The following SCRG1 variants were observed in gnomAD, a reference collection of about 807,000 sequenced individuals.
The protein encoded by SCRG1 is stimulator of chondrogenesis 1.
SCRG1 carries 3 observed loss-of-function variants against 7.7 expected under a neutral mutation model. That is an observed-to-expected ratio of 0.39 (90% CI 0.18 to 1.01). SCRG1 has a LOEUF of 1.01. SCRG1 is among the 50% of genes least tolerant of loss of function. The probability of loss-of-function intolerance (pLI) is 0.36; values close to 1 mark genes in which losing one functional copy is unlikely to be tolerated. For missense variants in SCRG1, 110 were observed against 117.2 expected (o/e 0.94, Z 0.28); for synonymous variants, 46 against 41.2 (o/e 1.12, Z -0.44).
chr4:173,497,628 G>T, the SCRG1 span, among the ~76,000 whole-genome samples: 1 of 139,964 alleles, frequency 7.1e-6, no homozygotes. Context: ...ACATCAAGAG[G>T]CAGTCCCTGA....
chr4:173,498,975 C>G, the SCRG1 span, among the ~76,000 whole-genome samples: 2 of 152,134 alleles, frequency 1.3e-5, no homozygotes, highest in African/African-American at 4.8e-5. Flanking sequence ...TTAATTGGCT[C>G]CATGTGTGGT....
At chr4:173,485,056 T>TATATTATATATTATATATTATATA in the SCRG1 span, among the ~76,000 whole-genome samples, 4 of 13,424 alleles carry the variant, frequency 3.0e-4, no homozygotes, top group Non-Finnish European at 4.4e-4. Context: ...TATAATATAT[T>TATATTATATATTATATATTATATA]ATATATTATA....
At chr4:173,449,705 T>C in the SCRG1 span, among the ~76,000 whole-genome samples, 76 of 152,260 alleles carry the variant, frequency 5.0e-4, 3 homozygotes. Context: ...CTGTGACTTC[T>C]GTGAGAATTA....
the SCRG1 span, among the ~76,000 whole-genome samples, chr4:173,416,911 AACACACACACACACAC>A: frequency 1.9e-3 from 242 of 125,232 alleles, 1 homozygote; most frequent in Middle Eastern, 0.015. Flanking sequence ...CACACACCCA[AACACACACACACACAC>A]ACACACACAC....
the SCRG1 span, among the ~76,000 whole-genome samples, chr4:173,474,128 G>A: frequency 6.6e-6 from 1 of 152,038 alleles, no homozygotes; most frequent in African/African-American, 2.4e-5. Flanking sequence ...CCAAGATCAT[G>A]CCACTGCACT....
chr4:173,405,563 T>C (rs1739879711), intron 1 of SCRG1, among the ~76,000 whole-genome samples: 1 of 152,220 alleles, frequency 6.6e-6, no homozygotes, highest in Non-Finnish European at 1.5e-5. Flanking sequence ...TGGAGAATTT[T>C]TCTTCACATG....
chr4:173,392,142 T>TG lies in SCRG1; in HGVS notation c.-14-715dup, dbSNP rs76229943. 7.7e-3 allele frequency among the ~76,000 whole-genome samples: 1,170 copies of TG among 152,330 alleles called. 51 individuals are homozygous for TG. In the East Asian group the frequency reaches 0.12, roughly 16 times the overall value. On this transcript the variant is annotated intron_variant, in intron 1 of 2. Coordinates refer to ENST00000296506, the MANE Select transcript of SCRG1 (RefSeq NM_007281.4). ...ATCCTAACAACATTGTCAAAGTACC[T>TG]GGGTCCCATCCTGACAGAAACAAAA...
the SCRG1 span, among the ~76,000 whole-genome samples, chr4:173,452,709 T>C: frequency 6.6e-6 from 1 of 152,154 alleles, no homozygotes; most frequent in African/African-American, 2.4e-5. Flanking sequence ...TCCGGGGCCA[T>C]GCAGAGCAGA....
the SCRG1 span, among the ~76,000 whole-genome samples, chr4:173,453,739 C>T: frequency 7.9e-5 from 12 of 152,182 alleles, no homozygotes; most frequent in Non-Finnish European, 1.8e-4. Flanking sequence ...ACGTGCTACA[C>T]AAGTACCAGA....
chr4:173,400,606 C>T (rs1739736024), upstream of SCRG1, among the ~76,000 whole-genome samples: 3 of 152,266 alleles, frequency 2.0e-5, no homozygotes, highest in African/African-American at 7.2e-5. Context: ...AAATGATAGC[C>T]GAAGTCATGG....
At chr4:173,506,758 C>CGG in the SCRG1 span, among the ~76,000 whole-genome samples, 3 of 152,290 alleles carry the variant, frequency 2.0e-5, no homozygotes. The surrounding 1 kb of genome is among the most constrained non-coding windows in gnomAD (Gnocchi z 5.3). Flanking sequence ...AGTCCTGTTA[C>CGG]GGTGGCGGAC....
At chr4:173,460,627 TA>T in the SCRG1 span, among the ~76,000 whole-genome samples, 2 of 152,156 alleles carry the variant, frequency 1.3e-5, no homozygotes, top group Non-Finnish European at 2.9e-5. Context: ...TATCACCTGC[TA>T]ACTGAAGAGC....
At chr4:173,445,238 A>G in the SCRG1 span, among the ~76,000 whole-genome samples, 3 of 152,208 alleles carry the variant, frequency 2.0e-5, no homozygotes, top group Admixed American at 6.5e-5. Context: ...TGAAGTTCTT[A>G]TCTTACATCT....
At chr4:173,462,046 A>G in the SCRG1 span, among the ~76,000 whole-genome samples, 1 of 152,154 alleles carries the variant, frequency 6.6e-6, no homozygotes, top group Admixed American at 6.5e-5. Context: ...TATATAGAAA[A>G]TAGCCTCAAA....
the SCRG1 span, among the ~76,000 whole-genome samples, chr4:173,413,693 G>T: frequency 1.3e-5 from 2 of 152,168 alleles, no homozygotes; most frequent in Admixed American, 6.5e-5. Flanking sequence ...TGAAGAAAAA[G>T]GGGAATCATG....
chr4:173,484,945 A>AT, the SCRG1 span, among the ~76,000 whole-genome samples: 2 of 62,608 alleles, frequency 3.2e-5, no homozygotes, highest in African/African-American at 1.3e-4. Context: ...ATTATATATT[A>AT]TATATAATAT....
chr4:173,434,721 C>T, the SCRG1 span, among the ~76,000 whole-genome samples: 1 of 152,140 alleles, frequency 6.6e-6, no homozygotes, highest in Non-Finnish European at 1.5e-5. Flanking sequence ...ATTCCAGCTA[C>T]TTGGGGGGCT....
the SCRG1 span, among the ~76,000 whole-genome samples, chr4:173,462,913 T>C: frequency 6.6e-6 from 1 of 152,136 alleles, no homozygotes; most frequent in South Asian, 2.1e-4. Context: ...ATATAGTATT[T>C]TCAGGCCTCA....
At chr4:173,401,788 TC>T (rs1370250752), upstream of SCRG1, among the ~76,000 whole-genome samples, 2 of 152,214 alleles carry the variant, frequency 1.3e-5, no homozygotes, top group East Asian at 3.8e-4. Context: ...CCTTGTGTTT[TC>T]AAACATGTGT....
Sources: allele counts gnomAD v4.1 joint callset (sites outside exome capture counted in the v4.1 genomes callset), GRCh38; gene constraint gnomAD v4.1.1; non-coding constraint Gnocchi (gnomAD v3.1); transcripts MANE v1.5; gene names NCBI Gene and HGNC (gene_info 2026-07-23, HGNC 2026-07-21).